NSMCE2: variants seen among roughly 807,000 people sequenced by gnomAD.
NSMCE2 encodes NSE2 SUMO ligase component of SMC5/6 complex.
Under a neutral mutation model 23.8 loss-of-function variants are expected in NSMCE2, and 24 were observed. The ratio of observed to expected loss-of-function variants is 1.01; its 90% CI spans 0.73 to 1.42. NSMCE2 has a LOEUF of 1.42. Ranked by LOEUF, NSMCE2 falls within the 40% of genes most tolerant of loss-of-function variation. NSMCE2 has a pLI of 0.00. For synonymous variants in NSMCE2, 92 were observed against 94.1 expected (o/e 0.98, Z 0.13); for missense variants, 284 against 296.5 (o/e 0.96, Z 0.31).
intron 5 of NSMCE2, among the ~76,000 whole-genome samples, chr8:125,216,202 T>C (rs892946809): frequency 6.7e-6 from 1 of 150,196 alleles, no homozygotes; most frequent in Admixed American, 6.7e-5. Context: ...CCACATTTTG[T>C]TGATCCACTT....
chr8:125,179,124 A>C (rs954730353), intron 4 of NSMCE2, among the ~76,000 whole-genome samples: 1 of 152,192 alleles, frequency 6.6e-6, no homozygotes, highest in Admixed American at 6.5e-5. Context: ...TAGTAAATTA[A>C]TATACCTAGT....
chr8:125,165,743 C>G (rs1290796333), intron 4 of NSMCE2, among the ~76,000 whole-genome samples: 1 of 152,114 alleles, frequency 6.6e-6, no homozygotes, highest in Non-Finnish European at 1.5e-5. Context: ...TCTAATTTTT[C>G]TATAATACAG....
At chr8:125,116,885 C>CT (rs35636109) in intron 3 of NSMCE2, among the ~76,000 whole-genome samples, 8,799 of 129,532 alleles carry the variant, frequency 0.068, 487 homozygotes, top group African/African-American at 0.1. Context: ...AAGCATATAA[C>CT]TTTTTTTTTT....
chr8:125,285,756 GCA>G (rs10550331), intron 5 of NSMCE2, among the ~76,000 whole-genome samples: 138,841 of 149,366 alleles, frequency 0.93, 64,538 homozygotes, highest in East Asian at 0.98. Context: ...TCATACACAC[GCA>G]CACACACACA....
intron 5 of NSMCE2, among the ~76,000 whole-genome samples, chr8:125,248,054 A>C (rs1183740465): frequency 6.6e-6 from 1 of 152,224 alleles, no homozygotes; most frequent in Non-Finnish European, 1.5e-5. Context: ...TTTTGAAACC[A>C]TTGATTAATG....
chr8:125,097,308 G>A (rs570372625), intron 1 of NSMCE2, among the ~76,000 whole-genome samples: 3 of 152,174 alleles, frequency 2.0e-5, no homozygotes, highest in East Asian at 3.9e-4. Context: ...AATACATAGA[G>A]CTCAAATTTC....
At chr8:125,232,373 AAG>A (rs1491364422) in intron 5 of NSMCE2, among the ~76,000 whole-genome samples, 1 of 152,102 alleles carries the variant, frequency 6.6e-6, no homozygotes, top group East Asian at 1.9e-4. Context: ...CAAAAAAAAA[AAG>A]AAAGAAAGAA....
intron 5 of NSMCE2, among the ~76,000 whole-genome samples, chr8:125,339,531 T>C (rs982327783): frequency 3.9e-5 from 6 of 152,270 alleles, no homozygotes; most frequent in Non-Finnish European, 8.8e-5. Flanking sequence ...TTAAGTAACA[T>C]TAGAAAAGCT....
At chr8:125,313,054 G>A (rs774611081) in intron 5 of NSMCE2, among the ~76,000 whole-genome samples, 38 of 149,906 alleles carry the variant, frequency 2.5e-4, no homozygotes, top group Non-Finnish European at 4.9e-4. Context: ...ATGTATACCT[G>A]TGTAACAAAC....
intron 5 of NSMCE2, among the ~76,000 whole-genome samples, chr8:125,216,154 T>C (rs1824571373): frequency 6.6e-6 from 1 of 152,256 alleles, no homozygotes; most frequent in African/African-American, 2.4e-5. Context: ...GTATTACTAT[T>C]TCATTCTCTT....
chr8:125,366,929 C>A lies in NSMCE2; in HGVS notation c.*44C>A. ...AGGGACACCAGCAGCCTACCTCCTA[C>A]CCCAGCTGTCTGTTGAGAGCAGTGC... On this transcript the variant is annotated 3_prime_UTR_variant, in exon 8 of 8. Coordinates refer to ENST00000287437, the MANE Select transcript of NSMCE2 (RefSeq NM_173685.4). The A allele has an allele frequency of 9.1e-7, 1 of 1,094,596 alleles. No homozygotes were observed. The highest frequency in any genetic ancestry group is 1.4e-6 in the Non-Finnish European group (1 of 707,630). The allele number at this position is 1,094,596 out of a possible 1,614,324, so 67.8% of individuals were successfully genotyped here.
At chr8:125,110,341 C>T (rs1268242896) in intron 3 of NSMCE2, among the ~76,000 whole-genome samples, 1 of 152,188 alleles carries the variant, frequency 6.6e-6, no homozygotes, top group African/African-American at 2.4e-5. Context: ...TATTGCTTTT[C>T]TTTCTGTGAT....
chr8:125,249,227 C>T (rs1826110419), intron 5 of NSMCE2, among the ~76,000 whole-genome samples: 1 of 151,730 alleles, frequency 6.6e-6, no homozygotes, highest in Non-Finnish European at 1.5e-5. Flanking sequence ...TACCAGAGTC[C>T]ACTTTATTAT....
chr8:125,097,340 C>A (rs1817989100), intron 1 of NSMCE2, among the ~76,000 whole-genome samples: 1 of 152,194 alleles, frequency 6.6e-6, no homozygotes, highest in Admixed American at 6.5e-5. Flanking sequence ...CTAGACCCAA[C>A]TGGAGTGAAT....
chr8:125,171,647 A>G (rs1822213057), intron 4 of NSMCE2, among the ~76,000 whole-genome samples: 1 of 152,234 alleles, frequency 6.6e-6, no homozygotes, highest in South Asian at 2.1e-4. Context: ...TACAGCATTT[A>G]AATTGCTTCT....
chr8:125,121,725 C>G (rs1302131360), intron 3 of NSMCE2, among the ~76,000 whole-genome samples: 1 of 152,126 alleles, frequency 6.6e-6, no homozygotes, highest in Admixed American at 6.6e-5. Flanking sequence ...TTTTGTGTAC[C>G]TGGCATGTTA....
chr8:125,193,550 A>G (rs1407953016), intron 5 of NSMCE2, among the ~76,000 whole-genome samples: 1 of 152,190 alleles, frequency 6.6e-6, no homozygotes, highest in Non-Finnish European at 1.5e-5. Flanking sequence ...TTTAAAATGT[A>G]TTTATTCTTC....
intron 5 of NSMCE2, among the ~76,000 whole-genome samples, chr8:125,323,294 C>T (rs1391408029): frequency 4.6e-5 from 7 of 152,000 alleles, no homozygotes; most frequent in Admixed American, 1.3e-4. Context: ...TAGATATTGA[C>T]GAGATTATTC....
At chr8:125,277,571 A>G (rs1827509200) in intron 5 of NSMCE2, among the ~76,000 whole-genome samples, 1 of 150,642 alleles carries the variant, frequency 6.6e-6, no homozygotes, top group Non-Finnish European at 1.5e-5. Context: ...CAGTGGCGCG[A>G]TCTCAGCTCA....
Sources: gnomAD v4.1 joint callset for allele counts (sites outside exome capture counted in the v4.1 genomes callset) on GRCh38, gnomAD v4.1.1 for gene constraint, MANE v1.5 for transcripts, NCBI Gene and HGNC (gene_info 2026-07-23, HGNC 2026-07-21) for gene names.